Variants in AUH observed in about 807,000 individuals in gnomAD.
AUH encodes the protein methylglutaconyl-CoA hydratase, mitochondrial.
A neutral mutation model predicts 42.3 loss-of-function variants in AUH; 29 were observed. That is an observed-to-expected ratio of 0.69 (90% confidence interval 0.51 to 0.93). The LOEUF (loss-of-function observed/expected upper bound fraction) is 0.93. Among genes scored for constraint, AUH ranks in the 40% least tolerant of loss-of-function variants. The pLI is 0.00. For synonymous variants in AUH, 174 were observed against 166.4 expected, an observed-to-expected ratio of 1.05 and a Z score of -0.35; for missense variants, 452 against 438.1, an observed-to-expected ratio of 1.03 and a Z score of -0.28.
intron 4 of AUH, among the ~76,000 whole-genome samples, chr9:91,303,595 G>A (rs1827979946): frequency 6.6e-6 from 1 of 152,158 alleles, no homozygotes; most frequent in Admixed American, 6.5e-5. Context: ...CCAAAGTGCT[G>A]GGATTACAGG....
At chr9:91,346,659 T>G (rs1235683762) in intron 3 of AUH, among the ~76,000 whole-genome samples, 1 of 151,874 alleles carries the variant, frequency 6.6e-6, no homozygotes, top group East Asian at 1.9e-4. Context: ...ATCAAGCGGG[T>G]ATCCAACAAT....
intron 4 of AUH, among the ~76,000 whole-genome samples, chr9:91,316,076 A>G (rs1487987572): frequency 1.3e-5 from 2 of 152,220 alleles, no homozygotes; most frequent in African/African-American, 4.8e-5. Flanking sequence ...ATATTTTTCC[A>G]TTCTCCTGTC....
intron 6 of AUH, among the ~76,000 whole-genome samples, chr9:91,265,177 C>T (rs978324249): frequency 6.6e-6 from 1 of 152,078 alleles, no homozygotes; most frequent in Non-Finnish European, 1.5e-5. Context: ...TATCTTCCTC[C>T]ACTATTTTGA....
At chr9:91,297,932 A>G in intron 5 of AUH, 52 bp downstream of exon 5, 9 of 1,372,258 alleles carry the variant, frequency 6.6e-6, no homozygotes, top group Non-Finnish European at 9.4e-6. Context: ...CCTGAAGAGT[A>G]AACACAACCT....
chr9:91,275,335 C>T (rs149992674), intron 6 of AUH, among the ~76,000 whole-genome samples: 2 of 152,308 alleles, frequency 1.3e-5, no homozygotes, highest in East Asian at 3.9e-4. Context: ...TTTTCTCAAT[C>T]TCTTTTTGAA....
At chr9:91,322,440 A>G (rs1201520512) in intron 4 of AUH, among the ~76,000 whole-genome samples, 2 of 152,224 alleles carry the variant, frequency 1.3e-5, no homozygotes, top group Non-Finnish European at 2.9e-5. Flanking sequence ...AGCTGGGGAG[A>G]GAAGCAGGGC....
chr9:91,228,163 G>T (rs1827634331), intron 6 of AUH, among the ~76,000 whole-genome samples: 1 of 151,680 alleles, frequency 6.6e-6, no homozygotes, highest in South Asian at 2.1e-4. Flanking sequence ...GTAGAATTCG[G>T]CTGTGAATCC....
At position 91,356,146 on chromosome 9, in the gene AUH, A is replaced by G; in HGVS notation, c.272T>C (p.Val91Ala). ...GCCATAAGCTCTGTTTATTCCAAGC[A>G]CCACAATTCCTAGTTAAAGGGGAAA... The part of the protein sequence containing the change: ...HLEEENRGIV[V>A]LGINRAYGKN... The change falls in exon 2 of 10, where the codon GTG becomes GCG. Residue 91 changes from valine (V) to alanine (A), a missense_variant. Coordinates refer to ENST00000375731, the MANE Select transcript of AUH (RefSeq NM_001698.3). The G allele has an allele frequency of 1.2e-6, 2 of 1,613,516 alleles. No homozygotes were observed.
chr9:91,214,910 T>C (rs1587607468), intron 9 of AUH, among the ~76,000 whole-genome samples: 1 of 152,354 alleles, frequency 6.6e-6, no homozygotes, highest in East Asian at 1.9e-4. Context: ...GAAGAATACC[T>C]TGAATAATTT....
At chr9:91,296,417 T>C (rs973563523) in intron 5 of AUH, among the ~76,000 whole-genome samples, 2 of 152,182 alleles carry the variant, frequency 1.3e-5, no homozygotes, top group African/African-American at 2.4e-5. Flanking sequence ...AGCAGACTTG[T>C]CAGTATCTGA....
At chr9:91,313,945 T>A (rs1176310645) in intron 4 of AUH, among the ~76,000 whole-genome samples, 4 of 150,692 alleles carry the variant, frequency 2.7e-5, no homozygotes, top group African/African-American at 9.8e-5. Context: ...TGCCTCAGCC[T>A]CCTGAGTAGC....
chr9:91,240,152 T>A (rs962859061), intron 6 of AUH, among the ~76,000 whole-genome samples: 1 of 152,214 alleles, frequency 6.6e-6, no homozygotes, highest in Non-Finnish European at 1.5e-5. Context: ...GATATCTTTT[T>A]AAAAAAAATT....
At chr9:91,278,632 GTGGT>G (rs537928407) in intron 6 of AUH, among the ~76,000 whole-genome samples, 13 of 152,324 alleles carry the variant, frequency 8.5e-5, no homozygotes, top group African/African-American at 2.2e-4. Context: ...TTCTGATTAA[GTGGT>G]TGGTCATTTC....
chr9:91,301,174 G>C (rs1455148051), intron 4 of AUH, among the ~76,000 whole-genome samples: 4 of 152,152 alleles, frequency 2.6e-5, no homozygotes, highest in African/African-American at 9.7e-5. Flanking sequence ...TTCTAAGATG[G>C]AGAGAGCAGA....
intron 3 of AUH, among the ~76,000 whole-genome samples, chr9:91,338,006 C>G (rs1357181984): frequency 6.6e-6 from 1 of 152,120 alleles, no homozygotes; most frequent in African/African-American, 2.4e-5. Context: ...TCACTTATAT[C>G]CTCATCCAGA....
chr9:91,214,950 T>C (rs1166980122), intron 9 of AUH, among the ~76,000 whole-genome samples: 1 of 152,226 alleles, frequency 6.6e-6, no homozygotes, highest in Non-Finnish European at 1.5e-5. Flanking sequence ...AGTTGTAATT[T>C]ATGGCCAAAT....
chr9:91,243,730 G>A lies in AUH; in HGVS notation c.656-22738C>T, dbSNP rs531897427. Among the ~76,000 whole-genome samples, 45 of 152,326 alleles carry A rather than the reference G, an allele frequency of 3.0e-4. 1 individual carries two copies. In the South Asian group the frequency reaches 8.3e-3, roughly 28 times the overall value. On this transcript the variant is annotated intron_variant, in intron 6 of 9. Coordinates refer to ENST00000375731, the MANE Select transcript of AUH (RefSeq NM_001698.3). ...GGGGTCTCCTGCTGGAGATCAGCCCGGGTGGAGCAGCCCACTTTTTTTTTT... is the reference window on the plus strand; with the variant it reads ...GGGGTCTCCTGCTGGAGATCAGCCCAGGTGGAGCAGCCCACTTTTTTTTTT...
At chr9:91,280,023 T>G (rs1825841894) in intron 6 of AUH, among the ~76,000 whole-genome samples, 1 of 152,284 alleles carries the variant, frequency 6.6e-6, no homozygotes, top group Admixed American at 6.5e-5. Context: ...CACTGAAATA[T>G]CTCTCTGATG....
chr9:91,271,059 A>T (rs1349035627), intron 6 of AUH, among the ~76,000 whole-genome samples: 1 of 152,212 alleles, frequency 6.6e-6, no homozygotes, highest in African/African-American at 2.4e-5. Context: ...GTTTCAAAAC[A>T]CTTCTTTAAA....
Sources: gnomAD v4.1 joint callset for allele counts (sites outside exome capture counted in the v4.1 genomes callset) on GRCh38, gnomAD v4.1.1 for gene constraint, MANE v1.5 for transcripts, NCBI Gene and HGNC (gene_info 2026-07-23, HGNC 2026-07-21) for gene names.